KIAA1671: variants seen among roughly 807,000 people sequenced by gnomAD.
KIAA1671 encodes the protein KIAA1671.
In KIAA1671, 52 loss-of-function variants were observed where a neutral mutation model predicts 131.2. The observed-to-expected ratio is 0.40, with a 90% CI of 0.32 to 0.50. The LOEUF (loss-of-function observed/expected upper bound fraction) is 0.50, where lower values mean the gene tolerates loss of function less well. KIAA1671 is among the 20% of genes least tolerant of loss of function. The probability of loss-of-function intolerance (pLI) is 0.73; values close to 1 mark genes in which losing one functional copy is unlikely to be tolerated. For synonymous variants in KIAA1671, 1,003 were observed against 961.6 expected (o/e 1.04, Z -0.80); for missense variants, 2,360 against 2,364.2 (o/e 1.00, Z 0.04).
At position 25,079,268 on chromosome 22, in the gene KIAA1671, C is replaced by T. The variant is rs140808959; in HGVS notation, c.4530+29904C>T. Among the ~76,000 whole-genome samples, 161 of 151,460 alleles carry T rather than the reference C, an allele frequency of 1.1e-3. 3 individuals carry two copies. In the East Asian group the frequency reaches 0.022, roughly 21 times the overall value. On this transcript the variant is annotated intron_variant, in intron 6 of 12. Coordinates refer to ENST00000358431, the MANE Select transcript of KIAA1671 (RefSeq NM_001145206.2). ...TTTTTGAGATGGAGTCTCGCTCTGTCGCCCAGGCTGGAGTGCAATGGCACC... is the reference window on the plus strand; with the variant it reads ...TTTTTGAGATGGAGTCTCGCTCTGTTGCCCAGGCTGGAGTGCAATGGCACC...
At chr22:25,091,921 C>A (rs969045235) in intron 6 of KIAA1671, among the ~76,000 whole-genome samples, 4 of 152,096 alleles carry the variant, frequency 2.6e-5, no homozygotes, top group Non-Finnish European at 5.9e-5. Context: ...TAGAGATGGA[C>A]AAGTACAGCC....
At chr22:25,183,595 C>T (rs1440200521) in intron 10 of KIAA1671, among the ~76,000 whole-genome samples, 1 of 151,120 alleles carries the variant, frequency 6.6e-6, no homozygotes, top group Non-Finnish European at 1.5e-5. Flanking sequence ...GTGGTGTGAT[C>T]CACTGCAAGC....
intron 1 of KIAA1671, among the ~76,000 whole-genome samples, chr22:24,991,779 C>T (rs546256953): frequency 2.2e-4 from 33 of 151,932 alleles, no homozygotes; most frequent in Non-Finnish European, 3.8e-4. Context: ...TCCTTTCTGA[C>T]GTGGGGAGAA....
intron 6 of KIAA1671, among the ~76,000 whole-genome samples, chr22:25,166,179 C>T (rs778985035): frequency 6.6e-6 from 1 of 152,132 alleles, no homozygotes; most frequent in Non-Finnish European, 1.5e-5. Context: ...GAGAAAGAGA[C>T]TTTGAAGGAC....
chr22:24,993,456 T>C (rs907316896), intron 1 of KIAA1671, among the ~76,000 whole-genome samples: 3 of 152,234 alleles, frequency 2.0e-5, no homozygotes, highest in Non-Finnish European at 4.4e-5. Flanking sequence ...CTCATGGCTT[T>C]CCCTTGGCCG....
At chr22:25,183,623 A>C (rs960921699) in intron 10 of KIAA1671, among the ~76,000 whole-genome samples, 2 of 151,588 alleles carry the variant, frequency 1.3e-5, no homozygotes, top group Non-Finnish European at 2.9e-5. Context: ...CCCGGGTTCA[A>C]GCGATTCTCC....
chr22:24,973,146 G>T (rs1041898222), intron 1 of KIAA1671, among the ~76,000 whole-genome samples: 5 of 152,168 alleles, frequency 3.3e-5, no homozygotes, highest in Non-Finnish European at 7.3e-5. Flanking sequence ...GCAATGTGGG[G>T]TTCATTTTAA....
chr22:25,176,586 C>T (rs1934035543), intron 8 of KIAA1671: 1 of 152,224 alleles, frequency 6.6e-6, no homozygotes, highest in African/African-American at 2.4e-5. Context: ...AAGTGAAGCT[C>T]ATTGCCCAAG....
Position 25,177,509 on chromosome 22 carries a change from C to G in KIAA1671, c.5061C>G (p.Phe1687Leu). The change falls in exon 9 of 13, where the codon TTC becomes TTG. Residue 1687 changes from phenylalanine to leucine, a missense_variant. Phe to Leu is a conservative substitution (Grantham distance 22, BLOSUM62 0). Coordinates refer to ENST00000358431, the MANE Select transcript of KIAA1671 (RefSeq NM_001145206.2). ...ATGAGACTGACAACACGTGGATGTTCAAAGACTCAACGGGTATGCCATGAC... is the reference window on the plus strand; with the variant it reads ...ATGAGACTGACAACACGTGGATGTTGAAAGACTCAACGGGTATGCCATGAC... ...LEDETDNTWM[F>L]KDSTEEKSPR... is the part of the protein sequence containing the mutation. 1 of 1,551,188 alleles carries G rather than the reference C, an allele frequency of 6.4e-7. No homozygotes were observed. The highest frequency in any genetic ancestry group is 8.7e-7 in the Non-Finnish European group (1 of 1,146,586).
intron 6 of KIAA1671, among the ~76,000 whole-genome samples, chr22:25,099,349 G>C (rs1359245107): frequency 2.0e-5 from 3 of 152,120 alleles, no homozygotes; most frequent in Non-Finnish European, 4.4e-5. Context: ...CAGGCAGTCA[G>C]ACTTTGGAGC....
chr22:25,140,943 AGAGTT>A (rs1005799029), intron 6 of KIAA1671, among the ~76,000 whole-genome samples: 22 of 152,170 alleles, frequency 1.4e-4, no homozygotes, highest in African/African-American at 5.1e-4. Flanking sequence ...TTGGAAGAGT[AGAGTT>A]ATTTTTCAGG....
At chr22:25,026,762 G>A (rs1457000278) in intron 2 of KIAA1671, among the ~76,000 whole-genome samples, 1 of 152,114 alleles carries the variant, frequency 6.6e-6, no homozygotes, top group Non-Finnish European at 1.5e-5. Flanking sequence ...TAAGTGGGTG[G>A]TGGACTTGAG....
At chr22:25,082,241 A>G (rs2145865700) in intron 6 of KIAA1671, among the ~76,000 whole-genome samples, 1 of 152,258 alleles carries the variant, frequency 6.6e-6, no homozygotes, top group South Asian at 2.1e-4. Flanking sequence ...CTTTGTTGAA[A>G]TGCATTAACT....
chr22:24,998,590 G>C (rs1172043369), intron 1 of KIAA1671, among the ~76,000 whole-genome samples: 1 of 151,316 alleles, frequency 6.6e-6, no homozygotes, highest in African/African-American at 2.4e-5. Flanking sequence ...GTAGTGGCGG[G>C]GCCTGTAGTC....
chr22:25,002,123 G>C (rs1039776282), intron 1 of KIAA1671, among the ~76,000 whole-genome samples: 6 of 152,082 alleles, frequency 3.9e-5, no homozygotes, highest in African/African-American at 1.4e-4. Flanking sequence ...CCTAAAAAAC[G>C]AGCAGGCTTG....
chr22:25,178,882 C>T (rs1934147794), intron 9 of KIAA1671, among the ~76,000 whole-genome samples: 1 of 152,218 alleles, frequency 6.6e-6, no homozygotes, highest in Non-Finnish European at 1.5e-5. Context: ...GCCCCTTCCT[C>T]CTGGAAAGAC....
Position 25,040,741 on chromosome 22 carries a change from T to C in KIAA1671, c.3611T>C (p.Leu1204Pro). ...YRSSVLDIDA[L>P]MAEYQELSLK... ...TCCAGCGTTCTTGACATTGACGCCC[T>C]GATGGCAGAGTACCAGGAGCTGTCG... The change falls in exon 5 of 13, where the codon CTG becomes CCG. Residue 1204 changes from leucine to proline, a missense_variant. Coordinates refer to ENST00000358431, the MANE Select transcript of KIAA1671 (RefSeq NM_001145206.2). The C allele has an allele frequency of 1.3e-6, 2 of 1,551,908 alleles. No individual in the cohort carries two copies. Among genetic ancestry groups the C allele is most frequent in the Admixed American group, 3.9e-5 (2 of 51,006 alleles).
chr22:25,160,585 G>T (rs555470789), intron 6 of KIAA1671, among the ~76,000 whole-genome samples: 2 of 152,030 alleles, frequency 1.3e-5, no homozygotes, highest in African/African-American at 2.4e-5. Context: ...AGAGATGACC[G>T]CAAGGCCTTC....
intron 1 of KIAA1671, among the ~76,000 whole-genome samples, chr22:24,963,423 G>A (rs535437426): frequency 2.7e-5 from 4 of 150,662 alleles, no homozygotes; most frequent in Admixed American, 1.3e-4. Flanking sequence ...AGTCTGGGGA[G>A]AATGAGAATC....
Sources: allele counts gnomAD v4.1 joint callset (sites outside exome capture counted in the v4.1 genomes callset), GRCh38; gene constraint gnomAD v4.1.1; transcripts MANE v1.5; gene names NCBI Gene and HGNC (gene_info 2026-07-23, HGNC 2026-07-21).